HSD11B1: variants seen among roughly 807,000 people sequenced by gnomAD.
HSD11B1 encodes 11-beta-hydroxysteroid dehydrogenase 1.
HSD11B1 carries 15 observed loss-of-function variants against 22.1 expected under a neutral mutation model. The ratio of observed to expected loss-of-function variants is 0.68; its 90% confidence interval spans 0.45 to 1.04. The LOEUF (loss-of-function observed/expected upper bound fraction) is 1.04, where lower values mean the gene tolerates loss of function less well. Among genes scored for constraint, HSD11B1 ranks in the 50% least tolerant of loss-of-function variants. The pLI is 0.00. For synonymous variants in HSD11B1, 122 were observed against 125.2 expected, an observed-to-expected ratio of 0.97 and a Z score of 0.17; for missense variants, 281 against 357.6, an observed-to-expected ratio of 0.79 and a Z score of 1.73.
chr1:209,692,612 G>GA (rs1553286720), intron 1 of HSD11B1, among the ~76,000 whole-genome samples: 1 of 113,010 alleles, frequency 8.8e-6, no homozygotes, highest in Non-Finnish European at 1.9e-5. Flanking sequence ...AATGGCGGGG[G>GA]GGGGGGTGGG....
At position 209,716,575 on chromosome 1, in the gene HSD11B1, A is replaced by C. The variant is rs541155053; in HGVS notation, c.517+9447A>C. ...TTTTTCATAGAAATAGAAAAAAAAAACCTAAAATTTGTAGGGACGAAATAG... is the reference window on the plus strand; with the variant it reads ...TTTTTCATAGAAATAGAAAAAAAAACCCTAAAATTTGTAGGGACGAAATAG... On this transcript the variant is annotated intron_variant, in intron 4 of 5. Coordinates refer to ENST00000367027, the MANE Select transcript of HSD11B1 (RefSeq NM_005525.4). Among the ~76,000 whole-genome samples the C allele has an allele frequency of 3.6e-4, 55 of 152,112 alleles. No homozygotes were observed. In the East Asian group the frequency reaches 6.0e-3, roughly 17 times the overall value.
At chr1:209,722,772 G>T (rs1320940227) in intron 4 of HSD11B1, among the ~76,000 whole-genome samples, 1 of 152,130 alleles carries the variant, frequency 6.6e-6, no homozygotes, top group Non-Finnish European at 1.5e-5. Context: ...ATTTGCCTGG[G>T]GTTGCTCTAA....
At chr1:209,703,472 T>G (rs542787165), upstream of HSD11B1, among the ~76,000 whole-genome samples, 8 of 152,348 alleles carry the variant, frequency 5.3e-5, no homozygotes, top group South Asian at 1.7e-3. Flanking sequence ...CTTTTTTCTC[T>G]TTTTGTCCTT....
chr1:209,708,721 G>A (rs1187568899), intron 4 of HSD11B1, among the ~76,000 whole-genome samples: 4 of 152,202 alleles, frequency 2.6e-5, no homozygotes, highest in Non-Finnish European at 5.9e-5. Flanking sequence ...CACCTTTGAC[G>A]AATGTAACTT....
chr1:209,724,273 C>T (rs1242855588), intron 4 of HSD11B1: 2 of 152,238 alleles, frequency 1.3e-5, no homozygotes, highest in Non-Finnish European at 2.9e-5. Flanking sequence ...TTGGGACGAG[C>T]TCTCTGAGGT....
chr1:209,688,455 G>A (rs2076740725), intron 1 of HSD11B1, among the ~76,000 whole-genome samples: 1 of 152,134 alleles, frequency 6.6e-6, no homozygotes. Flanking sequence ...CAAACTCCTT[G>A]AAAGCAGACA....
chr1:209,701,764 C>A (rs1343349408), upstream of HSD11B1, among the ~76,000 whole-genome samples: 1 of 152,200 alleles, frequency 6.6e-6, no homozygotes, highest in African/African-American at 2.4e-5. Flanking sequence ...AAGGAACTTC[C>A]CCTCTGGCTG....
chr1:209,716,594 G>A (rs1025230148), intron 4 of HSD11B1, among the ~76,000 whole-genome samples: 1 of 151,164 alleles, frequency 6.6e-6, no homozygotes, highest in African/African-American at 2.4e-5. Flanking sequence ...TTGTAGGGAC[G>A]AAATAGCCAA....
At chr1:209,693,975 CT>C (rs1237115732) in intron 1 of HSD11B1, among the ~76,000 whole-genome samples, 1 of 152,126 alleles carries the variant, frequency 6.6e-6, no homozygotes, top group Non-Finnish European at 1.5e-5. Context: ...TCACTGAGAC[CT>C]GTTCCCTTGG....
Position 209,691,736 on chromosome 1 carries a change from T to G in HSD11B1, c.-49+5451T>G, listed in dbSNP as rs1370945158. On this transcript the variant is annotated intron_variant, in intron 1 of 6. Coordinates refer to the HSD11B1 transcript ENST00000261465. ...AATAATACAAACACTATTGATTTAA[T>G]TAAAATTGTGTTATTATAATATTAG... Among the ~76,000 whole-genome samples the G allele has an allele frequency of 2.0e-5, 3 of 152,210 alleles. No homozygotes were observed. The East Asian group carries it at 5.8e-4, about 29-fold the overall frequency.
At position 209,705,372 on chromosome 1, in the gene HSD11B1, CAAAAA is replaced by C. The variant is rs5780533; in HGVS notation, c.88+358_88+362del. ...TATGAAGAGACTGATAAGTGGGAGG[CAAAAA>C]AAAAAAAAAAAAAAACTGGAGATGA... On this transcript the variant is annotated intron_variant, in intron 1 of 5. Coordinates refer to ENST00000367027, the MANE Select transcript of HSD11B1 (RefSeq NM_005525.4). 1.9e-3 allele frequency among the ~76,000 whole-genome samples: 155 copies of C among 83,054 alleles called. 1 individual carries two copies. The highest frequency in any genetic ancestry group is 5.9e-3 in the African/African-American group (149 of 25,360). 54.5% of individuals were successfully genotyped at this position (83,054 alleles called of 152,430 possible). A position where few individuals can be genotyped will look rare whatever the true frequency, so the allele number is the denominator to read the frequency against.
At chr1:209,719,650 G>A (rs955778203) in intron 4 of HSD11B1, among the ~76,000 whole-genome samples, 7 of 152,122 alleles carry the variant, frequency 4.6e-5, no homozygotes, top group Admixed American at 3.3e-4. Flanking sequence ...GAGTGAGAAC[G>A]CGCAATGTTT....
chr1:209,720,844 C>T (rs936931385), intron 4 of HSD11B1, among the ~76,000 whole-genome samples: 1 of 152,146 alleles, frequency 6.6e-6, no homozygotes, highest in East Asian at 1.9e-4. Context: ...GATATATCTA[C>T]ATCCTACCTG....
At chr1:209,703,599 T>C (rs2076837717), upstream of HSD11B1, among the ~76,000 whole-genome samples, 1 of 152,204 alleles carries the variant, frequency 6.6e-6, no homozygotes, top group Non-Finnish European at 1.5e-5. Context: ...CTCTGGGTCT[T>C]AAATTATTTT....
At chr1:209,715,876 A>G (rs1010185754) in intron 4 of HSD11B1, among the ~76,000 whole-genome samples, 3 of 152,238 alleles carry the variant, frequency 2.0e-5, no homozygotes, top group Admixed American at 2.0e-4. Flanking sequence ...CGGTATTTAC[A>G]TAGTCTCAAA....
intron 1 of HSD11B1, among the ~76,000 whole-genome samples, chr1:209,688,546 AATG>A: frequency 6.6e-6 from 1 of 152,282 alleles, no homozygotes. Context: ...TATTTTTTTA[AATG>A]GACGAACAAA....
chr1:209,734,236 T>A, intron 5 of HSD11B1, 68 bp from the exon 6 acceptor site: 1 of 1,266,190 alleles, frequency 7.9e-7, no homozygotes, highest in Non-Finnish European at 1.1e-6. Flanking sequence ...GTGGTTGATG[T>A]CTCCAGGCCT....
upstream of HSD11B1, among the ~76,000 whole-genome samples, chr1:209,700,354 C>T (rs1465815012): frequency 3.3e-5 from 5 of 152,234 alleles, no homozygotes; most frequent in East Asian, 1.9e-4. Context: ...CAACACCACG[C>T]GGAAGCTTCC....
In HSD11B1 at chr1:209,727,931, G is replaced by C. The variant is rs564223410; in HGVS notation, c.518-4505G>C. 1.3e-4 allele frequency among the ~76,000 whole-genome samples: 20 copies of C among 152,142 alleles called. 1 individual carries two copies. In the South Asian group the frequency reaches 3.5e-3, roughly 27 times the overall value. ...CCAACAGCAGCAATCAGAATCTTTT[G>C]GTCACTTATTTCAATTTATTGAAAG... On this transcript the variant is annotated intron_variant, in intron 4 of 5. Coordinates refer to ENST00000367027, the MANE Select transcript of HSD11B1 (RefSeq NM_005525.4).
Sources: allele counts gnomAD v4.1 joint callset (sites outside exome capture counted in the v4.1 genomes callset), GRCh38; gene constraint gnomAD v4.1.1; transcripts MANE v1.5; gene names NCBI Gene and HGNC (gene_info 2026-07-23, HGNC 2026-07-21).